The following COL4A2 variants were observed in gnomAD, a reference collection of about 807,000 sequenced individuals.
The protein encoded by COL4A2 is collagen type IV alpha 2 chain.
Under a neutral mutation model 200.2 loss-of-function variants are expected in COL4A2, and 99 were observed. That is an observed-to-expected ratio of 0.49 (90% CI 0.42 to 0.58). COL4A2 has a LOEUF of 0.58. COL4A2 is among the 20% of genes least tolerant of loss of function. The probability of loss-of-function intolerance (pLI) is 0.00; values close to 1 mark genes in which losing one functional copy is unlikely to be tolerated. For missense variants in COL4A2, 1,950 were observed against 2,314.1 expected (o/e 0.84, Z 3.23); for synonymous variants, 897 against 900.6 (o/e 1.00, Z 0.07).
chr13:110,308,389 A>AGGC (rs2139335181), intron 3 of COL4A2, among the ~76,000 whole-genome samples: 1 of 152,218 alleles, frequency 6.6e-6, no homozygotes, highest in Non-Finnish European at 1.5e-5. Context: ...ATGTAGCCTG[A>AGGC]GGCACCGTTT....
intron 3 of COL4A2, among the ~76,000 whole-genome samples, chr13:110,313,163 C>A (rs1885032288): frequency 6.6e-6 from 1 of 152,154 alleles, no homozygotes. Flanking sequence ...TGACATTTCT[C>A]AGTTGAGATG....
intron 3 of COL4A2, among the ~76,000 whole-genome samples, chr13:110,336,250 C>G (rs572497464): frequency 3.6e-4 from 55 of 152,266 alleles, no homozygotes; most frequent in African/African-American, 1.3e-3. Flanking sequence ...GTCTGATTGT[C>G]TCAAGCATAA....
chr13:110,394,766 G>A (rs1225305631), intron 4 of COL4A2, among the ~76,000 whole-genome samples: 2 of 152,156 alleles, frequency 1.3e-5, no homozygotes, highest in African/African-American at 4.8e-5. Context: ...AGAGTGAGAT[G>A]CATTCCATCA....
chr13:110,492,610 C>T (rs544347862), intron 38 of COL4A2, among the ~76,000 whole-genome samples: 17 of 152,348 alleles, frequency 1.1e-4, no homozygotes, highest in African/African-American at 3.8e-4. Flanking sequence ...GGAATTGCCA[C>T]CTGTTTGCTG....
intron 3 of COL4A2, among the ~76,000 whole-genome samples, chr13:110,347,954 G>A (rs1004409882): frequency 1.3e-5 from 2 of 152,250 alleles, no homozygotes; most frequent in Admixed American, 6.5e-5. Context: ...GTTGAACCAG[G>A]ATGGGGAATG....
At chr13:110,324,221 T>G (rs981696616) in intron 3 of COL4A2, among the ~76,000 whole-genome samples, 1 of 152,180 alleles carries the variant, frequency 6.6e-6, no homozygotes, top group African/African-American at 2.4e-5. Context: ...GCCAGTGGCC[T>G]TCTTGGCACT....
intron 20 of COL4A2, among the ~76,000 whole-genome samples, chr13:110,454,532 T>A (rs1272364539): frequency 3.3e-5 from 5 of 152,004 alleles, no homozygotes; most frequent in African/African-American, 1.2e-4. Context: ...AGAACAAAGC[T>A]CACAAAAGTC....
intron 34 of COL4A2, 136 bp downstream of exon 34, chr13:110,485,972 G>A: frequency 1.5e-6 from 2 of 1,367,484 alleles, no homozygotes; most frequent in East Asian, 2.5e-5. Context: ...GCTTGGTGGG[G>A]TCCACACAGC....
chr13:110,381,960 T>C (rs946885625), intron 4 of COL4A2, among the ~76,000 whole-genome samples: 2 of 152,202 alleles, frequency 1.3e-5, no homozygotes, highest in Non-Finnish European at 2.9e-5. Flanking sequence ...CCTTGATTAT[T>C]ACTTATTTCA....
intron 10 of COL4A2, 105 bp downstream of exon 10, chr13:110,430,712 C>G: frequency 2.1e-6 from 3 of 1,435,776 alleles, no homozygotes; most frequent in Non-Finnish European, 2.0e-6. Flanking sequence ...TTAAGAACAA[C>G]TATGATGCTT....
intron 6 of COL4A2, among the ~76,000 whole-genome samples, chr13:110,426,170 C>T (rs1880466027): frequency 1.3e-5 from 2 of 152,160 alleles, no homozygotes; most frequent in Non-Finnish European, 2.9e-5. Context: ...ATCTAAATCA[C>T]CCATTTTTAA....
intron 22 of COL4A2, 37 bp from the exon 23 acceptor site, chr13:110,462,077 C>T: frequency 6.2e-7 from 1 of 1,612,420 alleles, no homozygotes; most frequent in South Asian, 1.1e-5. Flanking sequence ...CCTCACAGTA[C>T]AAAGAAGGAA....
chr13:110,354,233 A>G (rs527780375), intron 3 of COL4A2, among the ~76,000 whole-genome samples: 4 of 152,316 alleles, frequency 2.6e-5, no homozygotes, highest in African/African-American at 4.8e-5. Context: ...CAACTGGCCA[A>G]TGAATTATTG....
In COL4A2 at chr13:110,455,589, C is replaced by G. The variant is rs376830080; in HGVS notation, c.1340-1754C>G. ...AGCTGTAAGCTCCATGAGAGTCCAT[C>G]GGTTTCATTTCCAGTTGTATACACA... On this transcript the variant is annotated intron_variant, in intron 20 of 47. Coordinates refer to ENST00000360467, the MANE Select transcript of COL4A2 (RefSeq NM_001846.4). Among the ~76,000 whole-genome samples, 7 of 152,178 alleles carry G rather than the reference C, an allele frequency of 4.6e-5. No individual in the cohort carries two copies. In the South Asian group the frequency reaches 1.2e-3, roughly 27 times the overall value.
intron 3 of COL4A2, among the ~76,000 whole-genome samples, chr13:110,338,178 G>T (rs1409410566): frequency 6.6e-6 from 1 of 152,160 alleles, no homozygotes; most frequent in African/African-American, 2.4e-5. Flanking sequence ...TTCACTAGTT[G>T]TTTCTAATAA....
At chr13:110,438,579 C>G (rs771446840) in intron 14 of COL4A2, 39 bp from the exon 15 acceptor site, 1 of 1,613,864 alleles carries the variant, frequency 6.2e-7, no homozygotes, top group Non-Finnish European at 8.5e-7. Flanking sequence ...GAGGGGCCGC[C>G]CCTGGGTTGC....
At chr13:110,385,552 T>G in intron 4 of COL4A2, among the ~76,000 whole-genome samples, 1 of 137,904 alleles carries the variant, frequency 7.3e-6, no homozygotes, top group South Asian at 2.3e-4. Flanking sequence ...GTGGTTGCAG[T>G]GTGTGGATAG....
chr13:110,435,819 GA>G lies in COL4A2; in HGVS notation c.727-449del, dbSNP rs541850954. On this transcript the variant is annotated intron_variant, in intron 12 of 47. Coordinates refer to ENST00000360467, the MANE Select transcript of COL4A2 (RefSeq NM_001846.4). ...ATCTTGGGATATTATAGTTACTTAA[GA>G]TTTTTTTTATTATATAAAAACATCT... is the stretch of plus-strand genomic sequence containing the variant. Among the ~76,000 whole-genome samples, 342 of 152,008 alleles carry G rather than the reference GA, an allele frequency of 2.2e-3. 2 individuals carry two copies. The highest frequency in any genetic ancestry group is 8.0e-3 in the African/African-American group (333 of 41,462).
intron 4 of COL4A2, among the ~76,000 whole-genome samples, chr13:110,380,857 C>T (rs1403860575): frequency 6.7e-6 from 1 of 148,898 alleles, no homozygotes; most frequent in Admixed American, 6.7e-5. Context: ...AGCTCTATCT[C>T]ACACCCACGG....
Sources: gnomAD v4.1 joint callset for allele counts (sites outside exome capture counted in the v4.1 genomes callset) on GRCh38, gnomAD v4.1.1 for gene constraint, MANE v1.5 for transcripts, NCBI Gene and HGNC (gene_info 2026-07-23, HGNC 2026-07-21) for gene names.